The following DPP6 variants were observed in gnomAD, a reference collection of about 807,000 sequenced individuals.
DPP6 encodes the protein dipeptidyl peptidase like 6.
DPP6 carries 69 observed loss-of-function variants against 122.6 expected under a neutral mutation model. The ratio of observed to expected loss-of-function variants is 0.56; its 90% CI spans 0.46 to 0.69. The LOEUF is 0.69. DPP6 is among the 30% of genes least tolerant of loss of function. DPP6 has a pLI of 0.00. For synonymous variants in DPP6, 418 were observed against 433.1 expected, an observed-to-expected ratio of 0.97 and a Z score of 0.43; for missense variants, 928 against 1,116.9, an observed-to-expected ratio of 0.83 and a Z score of 2.41.
chr7:154,634,866 G>T (rs1252068405), intron 5 of DPP6, among the ~76,000 whole-genome samples: 1 of 152,130 alleles, frequency 6.6e-6, no homozygotes, highest in Non-Finnish European at 1.5e-5. Flanking sequence ...GTAACTCTAG[G>T]TGTTTGTTTT....
chr7:154,387,201 A>G (rs1376325021), intron 1 of DPP6, among the ~76,000 whole-genome samples: 2 of 152,172 alleles, frequency 1.3e-5, no homozygotes, highest in African/African-American at 2.4e-5. Flanking sequence ...TACATCATTC[A>G]TAGAGGCAGA....
chr7:154,509,129 A>G (rs10256751), intron 3 of DPP6, among the ~76,000 whole-genome samples: 40,226 of 152,002 alleles, frequency 0.26, 5,525 homozygotes, highest in Non-Finnish European at 0.29. Flanking sequence ...AAATAGATAA[A>G]CTGAAGTTTA....
intron 5 of DPP6, among the ~76,000 whole-genome samples, chr7:154,630,854 T>G (rs961089380): frequency 3.3e-5 from 5 of 152,078 alleles, no homozygotes; most frequent in Non-Finnish European, 4.4e-5. Context: ...AAAACCTAGA[T>G]GACAGATTGA....
the DPP6 span, among the ~76,000 whole-genome samples, chr7:153,841,661 A>C: frequency 6.6e-6 from 1 of 152,214 alleles, no homozygotes; most frequent in Non-Finnish European, 1.5e-5. Context: ...ATATTTCCAC[A>C]CAAATGCATA....
intron 20 of DPP6, among the ~76,000 whole-genome samples, chr7:154,878,833 C>T (rs138856508): frequency 1.2e-3 from 187 of 152,342 alleles, no homozygotes; most frequent in Non-Finnish European, 2.1e-3. Flanking sequence ...TTGGGTCCTA[C>T]GTGCTCATGT....
At chr7:153,793,931 C>T in the DPP6 span, among the ~76,000 whole-genome samples, 8 of 152,196 alleles carry the variant, frequency 5.3e-5, no homozygotes, top group Admixed American at 1.3e-4. Flanking sequence ...GGTGTTGAGC[C>T]GGCAGGTGCA....
At chr7:154,465,725 G>A (rs748904177) in intron 2 of DPP6, among the ~76,000 whole-genome samples, 12 of 152,230 alleles carry the variant, frequency 7.9e-5, no homozygotes, top group Non-Finnish European at 1.6e-4. Context: ...TGGAGAGGAT[G>A]TGGAGAAATA....
chr7:153,992,797 C>G (rs947317417), intron 1 of DPP6, among the ~76,000 whole-genome samples: 3 of 152,182 alleles, frequency 2.0e-5, no homozygotes, highest in Non-Finnish European at 4.4e-5. Context: ...AAGCTCTAAA[C>G]GTTTTTGTTT....
chr7:154,007,043 C>G (rs1429531134), intron 1 of DPP6, among the ~76,000 whole-genome samples: 2 of 152,192 alleles, frequency 1.3e-5, no homozygotes, highest in African/African-American at 4.8e-5. Context: ...CCTGGTCATG[C>G]TATGGGTCAC....
At chr7:154,660,239 TA>T (rs1837539939) in intron 6 of DPP6, among the ~76,000 whole-genome samples, 2 of 146,962 alleles carry the variant, frequency 1.4e-5, no homozygotes, top group Admixed American at 6.7e-5. Flanking sequence ...AGTGTTCATA[TA>T]GTCATGGTGA....
intron 5 of DPP6, among the ~76,000 whole-genome samples, chr7:154,568,771 C>T (rs984943386): frequency 2.0e-5 from 3 of 152,132 alleles, no homozygotes; most frequent in Admixed American, 2.0e-4. Flanking sequence ...TAAGACTCTT[C>T]AGTTTGTCTT....
At chr7:153,775,959 T>C in the DPP6 span, among the ~76,000 whole-genome samples, 1 of 152,182 alleles carries the variant, frequency 6.6e-6, no homozygotes, top group Non-Finnish European at 1.5e-5. Context: ...GTTTTCTTTG[T>C]TTGGGAGATC....
At chr7:154,609,893 C>T (rs923989927) in intron 5 of DPP6, among the ~76,000 whole-genome samples, 2 of 152,172 alleles carry the variant, frequency 1.3e-5, no homozygotes, top group African/African-American at 2.4e-5. Flanking sequence ...CCATTCACTC[C>T]TTTCCAGAAA....
At chr7:154,761,641 C>T (rs117112249) in intron 8 of DPP6, among the ~76,000 whole-genome samples, 1,672 of 152,136 alleles carry the variant, frequency 0.011, 24 homozygotes, top group South Asian at 0.028. Context: ...AGGTGCATCA[C>T]GTGGTGGGAG....
rs537014406 is a variant in DPP6 at position 153,975,304 on chromosome 7, C to A, written c.51+87570C>A. On this transcript the variant is annotated intron_variant, in intron 1 of 25. Transcript: ENST00000404039. ...CTGTGAAACCACCCCTAGGTGTAAG[C>A]CCTGGGGATAGATCGTTAGAAACAG... Among the ~76,000 whole-genome samples the A allele has an allele frequency of 2.4e-3, 359 of 151,770 alleles. 1 individual carries two copies. Among genetic ancestry groups the A allele is most frequent in the African/African-American group, 8.5e-3 (351 of 41,332 alleles).
At chr7:154,145,261 C>T (rs528110955) in intron 1 of DPP6, among the ~76,000 whole-genome samples, 1 of 152,316 alleles carries the variant, frequency 6.6e-6, no homozygotes, top group South Asian at 2.1e-4. Context: ...TTTGGATGGC[C>T]TCTAGGAAAG....
Position 154,577,927 on chromosome 7 carries a change from T to C in DPP6, c.627+11011T>C, listed in dbSNP as rs1026358651. On this transcript the variant is annotated intron_variant, in intron 5 of 25. Transcript: ENST00000377770. ...AGTGTGGATCATTATCTCTACTTGA[T>C]GGTTACAGCATTTTTAAACTACGAC... Among the ~76,000 whole-genome samples the C allele has an allele frequency of 9.2e-5, 14 of 152,322 alleles. No homozygotes were observed. The East Asian group carries it at 2.5e-3, about 27-fold the overall frequency.
intron 4 of DPP6, among the ~76,000 whole-genome samples, chr7:154,549,628 A>G (rs1324057765): frequency 6.6e-6 from 1 of 152,198 alleles, no homozygotes; most frequent in Non-Finnish European, 1.5e-5. Flanking sequence ...CCATGGAAGC[A>G]TTGATGATCA....
At chr7:154,428,264 C>T (rs1401006021) in intron 1 of DPP6, among the ~76,000 whole-genome samples, 1 of 152,148 alleles carries the variant, frequency 6.6e-6, no homozygotes, top group Non-Finnish European at 1.5e-5. Flanking sequence ...GAATAATTGA[C>T]TTCTAGGCAT....
Sources: gnomAD v4.1 joint callset for allele counts (sites outside exome capture counted in the v4.1 genomes callset) on GRCh38, gnomAD v4.1.1 for gene constraint, MANE v1.5 for transcripts, NCBI Gene and HGNC (gene_info 2026-07-23, HGNC 2026-07-21) for gene names.